The following TBC1D22B variants were observed in gnomAD, a reference collection of about 807,000 sequenced individuals.
The protein encoded by TBC1D22B is chromosome 6 open reading frame 197.
Under a neutral mutation model 69.1 loss-of-function variants are expected in TBC1D22B, and 32 were observed. The ratio of observed to expected loss-of-function variants is 0.46; its 90% CI spans 0.35 to 0.62. TBC1D22B has a LOEUF of 0.62. Ranked by LOEUF, TBC1D22B falls within the 20% of genes least tolerant of loss-of-function variation. The pLI is 0.00. For synonymous variants in TBC1D22B, 206 were observed against 229.8 expected, an observed-to-expected ratio of 0.90 and a Z score of 0.94; for missense variants, 462 against 630.9, an observed-to-expected ratio of 0.73 and a Z score of 2.87.
chr6:37,267,292 T>G (rs1248513740), intron 1 of TBC1D22B, among the ~76,000 whole-genome samples: 1 of 140,480 alleles, frequency 7.1e-6, no homozygotes, highest in East Asian at 2.0e-4. Flanking sequence ...TGCTTGCTTT[T>G]GAGGGGAGGA....
rs1306774267 is a variant in TBC1D22B, at chr6:37,284,538, G to A, written c.801+74G>A. 3 of 1,448,382 alleles carry A rather than the reference G, an allele frequency of 2.1e-6. No homozygotes were observed. The African/African-American group carries it at 4.3e-5, about 21-fold the overall frequency. The allele number at this position is 1,448,382 out of a possible 1,614,324, so 89.7% of individuals were successfully genotyped here. On this transcript the variant is annotated intron_variant, in intron 6 of 12. Coordinates refer to ENST00000373491, the MANE Select transcript of TBC1D22B (RefSeq NM_017772.4). ...GTATGTCTCATGGTAGTGCTCTCAG[G>A]GTACAGGCTTTCCAAGTCTTCAGGC...
At chr6:37,268,096 A>G (rs1177628236) in intron 1 of TBC1D22B, among the ~76,000 whole-genome samples, 2 of 152,206 alleles carry the variant, frequency 1.3e-5, no homozygotes, top group African/African-American at 2.4e-5. Flanking sequence ...GTTCTCTCAC[A>G]GCTTCTTCAG....
intron 5 of TBC1D22B, among the ~76,000 whole-genome samples, chr6:37,283,479 C>T (rs971207738): frequency 3.3e-5 from 5 of 152,188 alleles, no homozygotes; most frequent in African/African-American, 1.2e-4. Context: ...CTGCTGTTTG[C>T]CAGGCATAGT....
chr6:37,267,307 CAT>C (rs67809303), intron 1 of TBC1D22B, among the ~76,000 whole-genome samples: 120,676 of 138,736 alleles, frequency 0.87, 52,380 homozygotes, highest in Middle Eastern at 0.93. Context: ...GGAGGACATA[CAT>C]ATATATATAT....
At chr6:37,260,274 C>T (rs1471937345) in intron 1 of TBC1D22B, among the ~76,000 whole-genome samples, 1 of 152,134 alleles carries the variant, frequency 6.6e-6, no homozygotes, top group African/African-American at 2.4e-5. Flanking sequence ...ACACAAATGA[C>T]TCTACTGGAT....
intron 1 of TBC1D22B, among the ~76,000 whole-genome samples, chr6:37,266,617 A>G (rs1359412063): frequency 6.6e-6 from 1 of 152,022 alleles, no homozygotes; most frequent in Non-Finnish European, 1.5e-5. Flanking sequence ...GCCTGCCACC[A>G]TGCCCGGCTA....
chr6:37,301,046 A>T (rs537039240), intron 8 of TBC1D22B, among the ~76,000 whole-genome samples: 1 of 152,318 alleles, frequency 6.6e-6, no homozygotes, highest in South Asian at 2.1e-4. Flanking sequence ...TACCTCATGT[A>T]AGTGGATTCA....
rs1766755565 is a variant in TBC1D22B at position 37,279,384 on chromosome 6, A to G, written c.194A>G (p.Asn65Ser). The G allele has an allele frequency of 6.2e-7, 1 of 1,614,118 alleles. No homozygotes were observed. The highest frequency in any genetic ancestry group is 8.5e-7 in the Non-Finnish European group (1 of 1,180,040). ...TCCAGTTTTCATGAGTTTGCACGGA[A>G]TACCAGTGATGCTTGGGACATTGGC... ...KASSFHEFAR[N>S]TSDAWDIGDD... Residue 65 changes from asparagine to serine, a missense_variant, in exon 3 of 13, where the codon AAT becomes AGT. Coordinates refer to ENST00000373491, the MANE Select transcript of TBC1D22B (RefSeq NM_017772.4).
At chr6:37,289,649 A>G (rs1767116876) in intron 7 of TBC1D22B, among the ~76,000 whole-genome samples, 1 of 152,218 alleles carries the variant, frequency 6.6e-6, no homozygotes, top group South Asian at 2.1e-4. Flanking sequence ...AGTCCTTTGG[A>G]AAGACCAACC....
At chr6:37,262,442 A>C (rs7760945) in intron 1 of TBC1D22B, among the ~76,000 whole-genome samples, 139,374 of 152,248 alleles carry the variant, frequency 0.92, 63,909 homozygotes, top group African/African-American at 0.98. Flanking sequence ...TTCATCCTCC[A>C]AAAGTGTTGG....
intron 8 of TBC1D22B, 151 bp downstream of exon 8, chr6:37,291,508 A>C: frequency 1.8e-6 from 1 of 553,182 alleles, no homozygotes; most frequent in Non-Finnish European, 3.1e-6. Flanking sequence ...TACTTTTAAC[A>C]GCGGTTGCTG....
chr6:37,261,944 AGTGTGTGTGTGTGTGT>A (rs70977641), intron 1 of TBC1D22B, among the ~76,000 whole-genome samples: 4,216 of 118,714 alleles, frequency 0.036, 89 homozygotes, highest in Non-Finnish European at 0.049. Context: ...AGCTTTGGTC[AGTGTGTGTGTGTGTGT>A]GTGTGTGTGT....
At chr6:37,272,874 G>A (rs184564467) in intron 2 of TBC1D22B, among the ~76,000 whole-genome samples, 126 of 152,296 alleles carry the variant, frequency 8.3e-4, no homozygotes, top group African/African-American at 2.9e-3. Context: ...CTCAAGAACC[G>A]TAATTTTGTT....
At chr6:37,306,823 G>A (rs1767731772) in intron 8 of TBC1D22B, among the ~76,000 whole-genome samples, 1 of 152,230 alleles carries the variant, frequency 6.6e-6, no homozygotes, top group Non-Finnish European at 1.5e-5. Flanking sequence ...GTGTCAGAAT[G>A]CTGTATGGTC....
At chr6:37,322,114 G>C (rs1403186395) in intron 12 of TBC1D22B, among the ~76,000 whole-genome samples, 1 of 152,176 alleles carries the variant, frequency 6.6e-6, no homozygotes, top group East Asian at 1.9e-4. Flanking sequence ...GTACTACTAA[G>C]GAAGTGAATG....
chr6:37,286,230 T>G (rs1006284679), intron 6 of TBC1D22B, among the ~76,000 whole-genome samples: 1 of 152,226 alleles, frequency 6.6e-6, no homozygotes, highest in South Asian at 2.1e-4. Flanking sequence ...ATGTTCCACA[T>G]GGGCAGGTAG....
rs894678226 is a variant in TBC1D22B, at chr6:37,309,595, A to G, written c.983-3323A>G. Among the ~76,000 whole-genome samples, 7 of 151,964 alleles carry G rather than the reference A, an allele frequency of 4.6e-5. 1 individual carries two copies. Among genetic ancestry groups the G allele is most frequent in the Non-Finnish European group, 4.4e-5 (3 of 68,000 alleles). ...CATAAAGAGGGAGCTGCTGCCTAGG[A>G]TGGATTAGAAGTCATGCTCATGAAT... On this transcript the variant is annotated intron_variant, in intron 8 of 12. Transcript: ENST00000373491.
At chr6:37,296,983 T>C (rs954284701) in intron 8 of TBC1D22B, among the ~76,000 whole-genome samples, 2 of 152,046 alleles carry the variant, frequency 1.3e-5, no homozygotes, top group Non-Finnish European at 2.9e-5. Context: ...TGCACCACCA[T>C]GCCTGGCTAA....
rs112895908 is a variant in TBC1D22B at position 37,272,406 on chromosome 6, G to C, written c.113+2756G>C. 3.7e-3 allele frequency among the ~76,000 whole-genome samples: 552 copies of C among 150,474 alleles called. 1 individual carries two copies. The highest frequency in any genetic ancestry group is 0.011 in the African/African-American group (459 of 40,806). On this transcript the variant is annotated intron_variant, in intron 2 of 12. Coordinates refer to ENST00000373491, the MANE Select transcript of TBC1D22B (RefSeq NM_017772.4). ...AAACAGAGTCTTGCGCTGCTGCTCA[G>C]GCTAGAGTGCACTGGCACGATCAGG...
Sources: allele counts gnomAD v4.1 joint callset (sites outside exome capture counted in the v4.1 genomes callset), GRCh38; gene constraint gnomAD v4.1.1; transcripts MANE v1.5; gene names NCBI Gene and HGNC (gene_info 2026-07-23, HGNC 2026-07-21).